The following SPATC1 variants were observed in gnomAD, a reference collection of about 807,000 sequenced individuals.
The protein encoded by SPATC1 is speriolin.
A neutral mutation model predicts 36.5 loss-of-function variants in SPATC1; 35 were observed. That is an observed-to-expected ratio of 0.96 (90% CI 0.73 to 1.27). The LOEUF (loss-of-function observed/expected upper bound fraction) is 1.27. Ranked by LOEUF, SPATC1 falls within the 50% of genes most tolerant of loss-of-function variation. SPATC1 has a pLI of 0.00. For synonymous variants in SPATC1, 361 were observed against 353.6 expected (o/e 1.02, Z -0.24); for missense variants, 779 against 796.0 (o/e 0.98, Z 0.26).
At chr8:144,019,041 C>CAAAA (rs1212175839) in intron 1 of SPATC1, among the ~76,000 whole-genome samples, 1 of 56,350 alleles carries the variant, frequency 1.8e-5, no homozygotes, top group African/African-American at 5.9e-5. Flanking sequence ...GACTCCGTCT[C>CAAAA]AAAAAAAAAA....
chr8:144,026,406 C>T (rs1834678472), intron 1 of SPATC1, among the ~76,000 whole-genome samples: 1 of 152,122 alleles, frequency 6.6e-6, no homozygotes, highest in African/African-American at 2.4e-5. Flanking sequence ...AATAATGCCG[C>T]TATGAACATT....
At chr8:144,039,274 A>T (rs1554755273) in intron 1 of SPATC1, among the ~76,000 whole-genome samples, 1 of 152,228 alleles carries the variant, frequency 6.6e-6, no homozygotes, top group Non-Finnish European at 1.5e-5. Flanking sequence ...GCAGGCTCTC[A>T]GGGGCAGGGA....
chr8:144,037,660 C>T (rs1479809447), intron 1 of SPATC1, among the ~76,000 whole-genome samples: 1 of 151,994 alleles, frequency 6.6e-6, no homozygotes, highest in Non-Finnish European at 1.5e-5. Flanking sequence ...CCCAGGGACA[C>T]AAACACTGTG....
intron 1 of SPATC1, among the ~76,000 whole-genome samples, chr8:144,035,888 C>T (rs1834888724): frequency 6.6e-6 from 1 of 152,220 alleles, no homozygotes; most frequent in Non-Finnish European, 1.5e-5. Context: ...TCCCACATCA[C>T]CCAGACCCTG....
intron 1 of SPATC1, among the ~76,000 whole-genome samples, chr8:144,035,528 T>TA (rs1834881318): frequency 4.6e-5 from 7 of 152,252 alleles, no homozygotes; most frequent in Non-Finnish European, 1.0e-4. Context: ...ATTTTGGTGT[T>TA]AGACTTTCTG....
intron 1 of SPATC1, among the ~76,000 whole-genome samples, chr8:144,025,235 C>A (rs1028348344): frequency 3.3e-5 from 5 of 152,180 alleles, no homozygotes; most frequent in East Asian, 1.9e-4. Flanking sequence ...TCCCACAGGA[C>A]CTTCTTCCCT....
At chr8:144,020,744 C>A (rs1484993462) in intron 1 of SPATC1, among the ~76,000 whole-genome samples, 1 of 64,346 alleles carries the variant, frequency 1.6e-5, no homozygotes, top group Non-Finnish European at 3.2e-5. Context: ...AGCCTCTTCC[C>A]TCAGGACCTG....
chr8:144,040,499 G>C (rs202217687), intron 2 of SPATC1, 36 bp downstream of exon 2: 1 of 1,563,148 alleles, frequency 6.4e-7, no homozygotes. Context: ...GGCAGAGTGG[G>C]GGGGGGCAGA....
chr8:144,031,332 T>G (rs1217267995), intron 1 of SPATC1, among the ~76,000 whole-genome samples: 1 of 152,152 alleles, frequency 6.6e-6, no homozygotes, highest in African/African-American at 2.4e-5. Context: ...CTTAAATATG[T>G]CAAACCACTA....
chr8:144,013,648 G>C (rs1834324036), intron 1 of SPATC1, among the ~76,000 whole-genome samples: 1 of 152,102 alleles, frequency 6.6e-6, no homozygotes, highest in Non-Finnish European at 1.5e-5. Flanking sequence ...AGACAACAGA[G>C]AGGGTAAAAA....
At position 144,046,932 on chromosome 8, in the gene SPATC1, C is replaced by T. The variant is rs370822958; in HGVS notation, c.1752C>T (p.Asp584=). Reference sequence around the variant, plus strand: ...GCCTCAGCCAGCTGGCGCACGATGACGGCAAGCCCATGTTCATCTGGTGAC... The same window carrying T: ...GCCTCAGCCAGCTGGCGCACGATGATGGCAAGCCCATGTTCATCTGGTGAC... ...LSCLSQLAHD[D]GKPMFIW The change falls in exon 5 of 5, where the codon GAC becomes GAT. Residue 584 remains aspartate, a synonymous_variant. Coordinates refer to ENST00000377470, the MANE Select transcript of SPATC1 (RefSeq NM_198572.3). This position sits in a 1 kb window ranked among gnomAD's most constrained non-coding sequence, Gnocchi z 6.6. 15 of 1,597,814 alleles carry T rather than the reference C, an allele frequency of 9.4e-6. No homozygotes were observed. The Admixed American group carries it at 1.5e-4, about 16-fold the overall frequency.
chr8:144,040,848 C>T lies in SPATC1; in HGVS notation c.1047C>T (p.Tyr349=), dbSNP rs1554755818. The change falls in exon 3 of 5, where the codon TAC becomes TAT. Residue 349 remains tyrosine, a synonymous_variant. Coordinates refer to ENST00000377470, the MANE Select transcript of SPATC1 (RefSeq NM_198572.3). ...TTGCCCCCCAGGTTGCCACCAGCTACACACCCTCAAGCACCACCCACATCG... is the reference window on the plus strand; with the variant it reads ...TTGCCCCCCAGGTTGCCACCAGCTATACACCCTCAAGCACCACCCACATCG... The part of the protein sequence containing the change: ...PALAPQVATS[Y]TPSSTTHIAQ... The T allele has an allele frequency of 6.3e-7, 1 of 1,578,108 alleles. No individual in the cohort carries two copies. Among genetic ancestry groups the T allele is most frequent in the African/African-American group, 1.4e-5 (1 of 72,538 alleles).
In SPATC1 at chr8:144,016,284, G is replaced by A. The variant is rs1396339216; in HGVS notation, c.211+3558G>A. ...AAAAACAGTGCATGTGTGTGTGAGA[G>A]GATATGGTGTATCTGCTTTGACGGT... On this transcript the variant is annotated intron_variant, in intron 1 of 4. Coordinates refer to ENST00000377470, the MANE Select transcript of SPATC1 (RefSeq NM_198572.3). The surrounding 1 kb of genome is among the most constrained non-coding windows in gnomAD (Gnocchi z 4.5). Among the ~76,000 whole-genome samples, 1 of 152,076 alleles carries A rather than the reference G, an allele frequency of 6.6e-6. No individual in the cohort carries two copies. Among genetic ancestry groups the A allele is most frequent in the Non-Finnish European group, 1.5e-5 (1 of 68,008 alleles).
At chr8:144,027,839 A>T (rs1219391769) in intron 1 of SPATC1, among the ~76,000 whole-genome samples, 1 of 152,090 alleles carries the variant, frequency 6.6e-6, no homozygotes, top group Non-Finnish European at 1.5e-5. Flanking sequence ...CTAAAAATAC[A>T]AAAATTAACC....
At position 144,040,406 on chromosome 8, in the gene SPATC1, G is replaced by C; in HGVS notation, c.709G>C (p.Gly237Arg). Residue 237 changes from glycine (G) to arginine (R), a missense_variant, in exon 2 of 5, where the codon GGA (glycine) becomes CGA (arginine). Transcript: ENST00000377470. Reference sequence around the variant, plus strand: ...GCTGCGGCTGGCTGAGCCACTCCGCGGAGGCCCCACTGGGCCCCAGTCCCC... The same window carrying C: ...GCTGCGGCTGGCTGAGCCACTCCGCCGAGGCCCCACTGGGCCCCAGTCCCC... ...PRLRLAEPLR[G>R]GPTGPQSPAC... 1 of 1,611,236 alleles carries C rather than the reference G, an allele frequency of 6.2e-7. No individual in the cohort carries two copies. The highest frequency in any genetic ancestry group is 8.5e-7 in the Non-Finnish European group (1 of 1,179,390).
At chr8:144,029,202 TAAAAAAAA>T (rs1165801794) in intron 1 of SPATC1, among the ~76,000 whole-genome samples, 1 of 28,164 alleles carries the variant, frequency 3.6e-5, no homozygotes, top group African/African-American at 1.1e-4. Context: ...ACCCCAGAAC[TAAAAAAAA>T]AAAAAAAAAA....
Position 144,040,974 on chromosome 8 carries a change from T to A in SPATC1, c.1173T>A (p.Arg391=). The A allele has an allele frequency of 6.2e-7, 1 of 1,611,812 alleles. No homozygotes were observed. The highest frequency in any genetic ancestry group is 1.1e-5 in the South Asian group (1 of 90,946). The change falls in exon 3 of 5, where the codon CGT becomes CGA. Residue 391 remains arginine, a synonymous_variant. Coordinates refer to ENST00000377470, the MANE Select transcript of SPATC1 (RefSeq NM_198572.3). ...CPPHNAHSPP[R]TSSSPASVND... ...CACACAACGCCCACTCCCCACCTCGTACCTCATCCTCCCCGGCTTCAGTCA... is the reference window on the plus strand; with the variant it reads ...CACACAACGCCCACTCCCCACCTCGAACCTCATCCTCCCCGGCTTCAGTCA...
rs1030495300 is a variant in SPATC1, at chr8:144,033,109, A to G, written c.212-6800A>G. Reference sequence around the variant, plus strand: ...AAAAAATTACATGGCATGAAACAAAAGTTAGGCTGGGCACAGTGGCTCACG... The same window carrying G: ...AAAAAATTACATGGCATGAAACAAAGGTTAGGCTGGGCACAGTGGCTCACG... On this transcript the variant is annotated intron_variant, in intron 1 of 4. Transcript: ENST00000377470. 2.8e-4 allele frequency among the ~76,000 whole-genome samples: 43 copies of G among 151,924 alleles called. 1 individual carries two copies. Among genetic ancestry groups the G allele is most frequent in the African/African-American group, 8.5e-4 (35 of 41,352 alleles).
At position 144,046,794 on chromosome 8, in the gene SPATC1, C is replaced by A; in HGVS notation, c.1614C>A (p.Arg538=). ...ACGCTTATGGCATCCTGCGAGAGCG[C>A]CCGGAGCTGGCGGCGTCTGAGGGCG... ...LVNAYGILRE[R]PELAASEGGP... is the part of the protein sequence containing the mutation. Residue 538 remains arginine, a synonymous_variant, in exon 5 of 5, where the codon CGC becomes CGA. Transcript: ENST00000377470. The surrounding 1 kb of genome is among the most constrained non-coding windows in gnomAD (Gnocchi z 6.6). 1 of 1,608,328 alleles carries A rather than the reference C, an allele frequency of 6.2e-7. No homozygotes were observed. Among genetic ancestry groups the A allele is most frequent in the Non-Finnish European group, 8.5e-7 (1 of 1,179,968 alleles).
Sources: allele counts gnomAD v4.1 joint callset (sites outside exome capture counted in the v4.1 genomes callset), GRCh38; gene constraint gnomAD v4.1.1; non-coding constraint Gnocchi (gnomAD v3.1); transcripts MANE v1.5; gene names NCBI Gene and HGNC (gene_info 2026-07-23, HGNC 2026-07-21).